Variants in RBM26 observed in about 807,000 individuals in gnomAD.
RBM26 encodes the protein RNA-binding protein 26.
Under a neutral mutation model 123.6 loss-of-function variants are expected in RBM26, and 30 were observed. The observed-to-expected ratio is 0.24, with a 90% confidence interval of 0.18 to 0.33. The LOEUF (loss-of-function observed/expected upper bound fraction) is 0.33, where lower values mean the gene tolerates loss of function less well. Ranked by LOEUF, RBM26 falls within the 10% of genes least tolerant of loss-of-function variation. The pLI, the probability that RBM26 is intolerant of heterozygous loss-of-function variation, is 1.00. For synonymous variants in RBM26, 400 were observed against 404.4 expected (o/e 0.99, Z 0.13); for missense variants, 947 against 1,203.6 (o/e 0.79, Z 3.15).
intron 14 of RBM26, among the ~76,000 whole-genome samples, chr13:79,347,459 G>T (rs1262925852): frequency 6.6e-6 from 1 of 152,098 alleles, no homozygotes; most frequent in East Asian, 1.9e-4. Context: ...GATAGTAAGA[G>T]ACACATGTAT....
chr13:79,339,926 C>A (rs769231706), intron 18 of RBM26, among the ~76,000 whole-genome samples: 29 of 151,928 alleles, frequency 1.9e-4, no homozygotes, highest in Admixed American at 1.2e-3. Flanking sequence ...GAAAACTAAA[C>A]GTAAGCCGTG....
At chr13:79,323,404 T>C (rs886844160) in intron 20 of RBM26, among the ~76,000 whole-genome samples, 2 of 151,572 alleles carry the variant, frequency 1.3e-5, no homozygotes, top group African/African-American at 4.8e-5. Context: ...TTATGATAAA[T>C]TTAAAAGATT....
intron 6 of RBM26, among the ~76,000 whole-genome samples, chr13:79,368,178 CCA>C (rs2075530938): frequency 1.3e-5 from 2 of 152,128 alleles, no homozygotes; most frequent in South Asian, 4.1e-4. Context: ...GCGCCAGCCA[CCA>C]CGCCCAGCTA....
chr13:79,320,579 A>G lies in RBM26; in HGVS notation c.*42T>C, dbSNP rs1188933859. The G allele has an allele frequency of 1.3e-6, 2 of 1,498,580 alleles. No individual in the cohort carries two copies. The highest frequency in any genetic ancestry group is 1.4e-5 in the African/African-American group (1 of 70,210). The allele number at this position is 1,498,580 out of a possible 1,614,324, so 92.8% of individuals were successfully genotyped here. ...GTACATTAGATAATACTAATGAAAC[A>G]CAGGTAGAGTTCTAGCATATGCAGA... On this transcript the variant is annotated 3_prime_UTR_variant, in exon 22 of 22. Transcript: ENST00000438737.
intron 14 of RBM26, among the ~76,000 whole-genome samples, chr13:79,347,943 A>C (rs1356731916): frequency 1.3e-5 from 2 of 152,244 alleles, no homozygotes; most frequent in East Asian, 3.9e-4. Context: ...CATCAAATTA[A>C]AACAGTTTTT....
At chr13:79,397,680 C>CAAAAAAAAAAAAAAAAAAAAAAAA (rs561587209) in intron 1 of RBM26, among the ~76,000 whole-genome samples, 1 of 63,258 alleles carries the variant, frequency 1.6e-5, no homozygotes, top group Non-Finnish European at 2.7e-5. Flanking sequence ...GACTCCATCT[C>CAAAAAAAAAAAAAAAAAAAAAAAA]AAAAAAAAAA....
chr13:79,315,166 T>C (rs1314027303), downstream of RBM26, among the ~76,000 whole-genome samples: 2 of 151,738 alleles, frequency 1.3e-5, no homozygotes, highest in African/African-American at 4.8e-5. Flanking sequence ...GCTAAAATGA[T>C]TTTACCAAAA....
At chr13:79,375,121 T>TA (rs2076563972) in intron 3 of RBM26, among the ~76,000 whole-genome samples, 1 of 138,714 alleles carries the variant, frequency 7.2e-6, no homozygotes, top group East Asian at 2.0e-4. Context: ...AAATATATAT[T>TA]TATATTTTAA....
intron 1 of RBM26, among the ~76,000 whole-genome samples, chr13:79,388,069 A>G (rs1418646970): frequency 6.6e-6 from 1 of 152,226 alleles, no homozygotes; most frequent in Non-Finnish European, 1.5e-5. Context: ...CTCTTAAACT[A>G]GACTAAGAAA....
At position 79,372,818 on chromosome 13, in the gene RBM26, TAATA is replaced by T. The variant is rs1361678925; in HGVS notation, c.328-892_328-889del. Among the ~76,000 whole-genome samples, 15 of 88,726 alleles carry T rather than the reference TAATA, an allele frequency of 1.7e-4. 4 individuals carry two copies. The highest frequency in any genetic ancestry group is 7.6e-4 in the African/African-American group (8 of 10,514). The allele number at this position is 88,726 out of a possible 152,430, so 58.2% of individuals were successfully genotyped here. On this transcript the variant is annotated intron_variant, in intron 3 of 21. Coordinates refer to ENST00000438737, the MANE Select transcript of RBM26 (RefSeq NM_001366735.2). ...ATTATAATTATATGATATATATTTATAATAAATATTTTATATAAATATATTATAT... is the reference window on the plus strand; with the variant it reads ...ATTATAATTATATGATATATATTTATAATATTTTATATAAATATATTATAT...
intron 19 of RBM26, among the ~76,000 whole-genome samples, chr13:79,335,785 T>C (rs887073929): frequency 1.9e-4 from 29 of 152,176 alleles, no homozygotes; most frequent in African/African-American, 7.0e-4. Flanking sequence ...CTGTTTGGAT[T>C]ATTTTAGCAC....
At chr13:79,389,840 CATAA>C (rs1440796753) in intron 1 of RBM26, among the ~76,000 whole-genome samples, 1 of 152,064 alleles carries the variant, frequency 6.6e-6, no homozygotes, top group Non-Finnish European at 1.5e-5. Context: ...ATAATTACAT[CATAA>C]ATAAAGCACT....
intron 1 of RBM26, among the ~76,000 whole-genome samples, chr13:79,389,312 C>A (rs893258843): frequency 6.6e-6 from 1 of 152,194 alleles, no homozygotes; most frequent in Non-Finnish European, 1.5e-5. Context: ...AAGCCTCCAA[C>A]AGCAGCATTA....
At chr13:79,349,681 A>T (rs1157392304) in intron 14 of RBM26, among the ~76,000 whole-genome samples, 1 of 152,062 alleles carries the variant, frequency 6.6e-6, no homozygotes, top group Non-Finnish European at 1.5e-5. Context: ...GTTAAGAAAA[A>T]AAAACTATGA....
chr13:79,311,870 AAAT>A (rs1191083644), exon 5 of RBM26: 6 of 152,112 alleles, frequency 3.9e-5, no homozygotes, highest in Non-Finnish European at 5.9e-5. Flanking sequence ...CAAAATATAA[AAAT>A]AATAAACAAT....
At chr13:79,379,825 A>G (rs2076938829) in intron 1 of RBM26, among the ~76,000 whole-genome samples, 1 of 152,176 alleles carries the variant, frequency 6.6e-6, no homozygotes, top group Admixed American at 6.5e-5. Flanking sequence ...AAGAGAAAAA[A>G]AGACAAAGGA....
chr13:79,353,265 C>T lies in RBM26; in HGVS notation c.1987-41G>A, dbSNP rs1387406030. 11 of 1,158,608 alleles carry T rather than the reference C, an allele frequency of 9.5e-6. No homozygotes were observed. The East Asian group carries it at 1.5e-4, about 16-fold the overall frequency. The allele number at this position is 1,158,608 out of a possible 1,614,324, so 71.8% of individuals were successfully genotyped here. ...TGGACATATTCAGTGTTTCCCCAAA[C>T]ATATAAAAGTCTGTTGGGATCTTGA... On this transcript the variant is annotated intron_variant, in intron 13 of 21. Coordinates refer to ENST00000438737, the MANE Select transcript of RBM26 (RefSeq NM_001366735.2).
chr13:79,344,202 A>G, intron 16 of RBM26, 46 bp downstream of exon 16: 1 of 1,228,442 alleles, frequency 8.1e-7, no homozygotes, highest in South Asian at 1.2e-5. Context: ...GTTCACTCCA[A>G]ATTATAACAT....
At chr13:79,396,167 C>T (rs963403220) in intron 1 of RBM26, among the ~76,000 whole-genome samples, 7 of 151,958 alleles carry the variant, frequency 4.6e-5, no homozygotes, top group Non-Finnish European at 1.0e-4. Context: ...CAACAGAGGA[C>T]GGTGGCAATG....
Sources: allele counts gnomAD v4.1 joint callset (sites outside exome capture counted in the v4.1 genomes callset), GRCh38; gene constraint gnomAD v4.1.1; transcripts MANE v1.5; gene names NCBI Gene and HGNC (gene_info 2026-07-23, HGNC 2026-07-21).